Variants in PRMT3 observed in about 807,000 individuals in gnomAD.
PRMT3 encodes protein arginine N-methyltransferase 3.
A neutral mutation model predicts 71.9 loss-of-function variants in PRMT3; 62 were observed. That is an observed-to-expected ratio of 0.86 (90% confidence interval 0.70 to 1.07). The LOEUF is 1.07. PRMT3 is among the 50% of genes least tolerant of loss of function. The pLI is 0.00. For missense variants in PRMT3, 663 were observed against 643.0 expected (o/e 1.03, Z -0.34); for synonymous variants, 213 against 220.4 (o/e 0.97, Z 0.30).
rs763495265 is a variant in PRMT3 at position 20,387,946 on chromosome 11, C to T, written c.29-73C>T. 2.5e-6 allele frequency: 4 copies of T among 1,605,180 alleles called. No individual in the cohort carries two copies. Among genetic ancestry groups the T allele is most frequent in the Non-Finnish European group, 3.4e-6 (4 of 1,175,356 alleles). ...GCGAACGGGGCGGAGGAGAGCCCAT[C>T]GTCACCTGCTCCTCGAGCCCCCGGG... is the stretch of plus-strand genomic sequence containing the variant. On this transcript the variant is annotated intron_variant, in intron 1 of 15. Transcript: ENST00000331079. The surrounding 1 kb of genome is among the most constrained non-coding windows in gnomAD (Gnocchi z 4.3).
At chr11:20,504,674 A>G (rs1565243309) in intron 15 of PRMT3, among the ~76,000 whole-genome samples, 1 of 148,882 alleles carries the variant, frequency 6.7e-6, no homozygotes, top group Non-Finnish European at 1.5e-5. Flanking sequence ...TGTTACATTT[A>G]TCTCAAGTAT....
chr11:20,483,493 CAGG>C (rs1211638229), intron 13 of PRMT3, among the ~76,000 whole-genome samples: 1 of 147,058 alleles, frequency 6.8e-6, no homozygotes, highest in Non-Finnish European at 1.5e-5. Context: ...TGTGAGGGAG[CAGG>C]AGAAGAGAAA....
intron 9 of PRMT3, among the ~76,000 whole-genome samples, chr11:20,413,756 G>C (rs1013821480): frequency 6.6e-6 from 1 of 151,924 alleles, no homozygotes; most frequent in Non-Finnish European, 1.5e-5. Context: ...AGCTTTAGTC[G>C]TACTCTGTAC....
At chr11:20,470,606 G>A (rs1850621042) in intron 13 of PRMT3, among the ~76,000 whole-genome samples, 1 of 152,154 alleles carries the variant, frequency 6.6e-6, no homozygotes, top group South Asian at 2.1e-4. Flanking sequence ...TGGTGTATAT[G>A]TATATGTACC....
At chr11:20,436,740 G>GC (rs1555013362) in intron 10 of PRMT3, among the ~76,000 whole-genome samples, 1 of 141,606 alleles carries the variant, frequency 7.1e-6, no homozygotes, top group Non-Finnish European at 1.6e-5. Flanking sequence ...CCTGCAGTTT[G>GC]TTTTTTTTTT....
At chr11:20,428,767 C>A (rs1378207516) in intron 10 of PRMT3, among the ~76,000 whole-genome samples, 1 of 152,200 alleles carries the variant, frequency 6.6e-6, no homozygotes, top group Non-Finnish European at 1.5e-5. Flanking sequence ...ATGGGAAACA[C>A]TAGAAACACT....
intron 15 of PRMT3, among the ~76,000 whole-genome samples, chr11:20,495,624 T>C (rs1013421160): frequency 7.2e-5 from 11 of 152,228 alleles, no homozygotes; most frequent in Admixed American, 6.5e-4. Flanking sequence ...AATCAGATTC[T>C]ATTTTTTATT....
intron 10 of PRMT3, among the ~76,000 whole-genome samples, chr11:20,445,165 T>C (rs1316750366): frequency 1.3e-5 from 2 of 152,048 alleles, no homozygotes; most frequent in Admixed American, 6.6e-5. Context: ...CTTCCTATAA[T>C]CTTAATTTTT....
At chr11:20,449,836 A>G (rs1850109810) in intron 10 of PRMT3, among the ~76,000 whole-genome samples, 1 of 152,162 alleles carries the variant, frequency 6.6e-6, no homozygotes, top group South Asian at 2.1e-4. Context: ...TTGAGTTCCT[A>G]CTATGTACCA....
chr11:20,501,656 G>C (rs1366610237), intron 15 of PRMT3, among the ~76,000 whole-genome samples: 1 of 152,128 alleles, frequency 6.6e-6, no homozygotes, highest in African/African-American at 2.4e-5. Context: ...TGTCCAGAAG[G>C]TAATATGACA....
chr11:20,439,100 A>C (rs955123916), intron 10 of PRMT3, among the ~76,000 whole-genome samples: 1 of 152,178 alleles, frequency 6.6e-6, no homozygotes, highest in South Asian at 2.1e-4. Flanking sequence ...CCATAGTTTC[A>C]ATTCCAAGAT....
intron 6 of PRMT3, 131 bp from the exon 7 acceptor site, chr11:20,397,445 TC>T (rs1848849965): frequency 1.1e-6 from 1 of 872,206 alleles, no homozygotes; most frequent in Non-Finnish European, 1.8e-6. Context: ...TTTCAGTTGT[TC>T]AAGATAGAAT....
At chr11:20,408,920 T>G (rs904188810) in intron 9 of PRMT3, among the ~76,000 whole-genome samples, 6 of 151,772 alleles carry the variant, frequency 4.0e-5, no homozygotes, top group Non-Finnish European at 8.8e-5. Flanking sequence ...ATAGTGAGAC[T>G]CTGTCCTCTA....
intron 15 of PRMT3, among the ~76,000 whole-genome samples, chr11:20,507,816 A>G (rs1851628413): frequency 6.6e-6 from 1 of 151,024 alleles, no homozygotes; most frequent in Non-Finnish European, 1.5e-5. Context: ...GCTCTAAAAA[A>G]TGAATATTGG....
At position 20,426,834 on chromosome 11, in the gene PRMT3, A is replaced by G. The variant is rs1395469998; in HGVS notation, c.962A>G (p.Glu321Gly). 6.5e-7 allele frequency: 1 copy of G among 1,529,912 alleles called. No individual in the cohort carries two copies. The highest frequency in any genetic ancestry group is 8.7e-7 in the Non-Finnish European group (1 of 1,150,374). The allele number at this position is 1,529,912 out of a possible 1,614,324, so 94.8% of individuals were successfully genotyped here. ...ATTGAAGAAGTTCATCTTCCTGTAGAAAAAGTAGATGTTATCATATCTGAG... is the reference window on the plus strand; with the variant it reads ...ATTGAAGAAGTTCATCTTCCTGTAGGAAAAGTAGATGTTATCATATCTGAG... ...GKIEEVHLPV[E>G]KVDVIISEWM... Residue 321 changes from glutamate (E) to glycine (G), a missense_variant, in exon 10 of 16, where the codon GAA becomes GGA. By Grantham distance (98) the Glu-to-Gly change is moderately conservative. Coordinates refer to ENST00000331079, the MANE Select transcript of PRMT3 (RefSeq NM_005788.4).
At chr11:20,457,761 C>G (rs1275703538) in intron 11 of PRMT3, among the ~76,000 whole-genome samples, 1 of 152,216 alleles carries the variant, frequency 6.6e-6, no homozygotes, top group Non-Finnish European at 1.5e-5. Context: ...TAATCAGCCA[C>G]TGGCATTGGT....
intron 10 of PRMT3, among the ~76,000 whole-genome samples, chr11:20,450,903 G>A (rs1850132744): frequency 6.6e-6 from 1 of 152,166 alleles, no homozygotes; most frequent in South Asian, 2.1e-4. Flanking sequence ...ATGAGTGGAT[G>A]AGAACAGTTT....
intron 15 of PRMT3, among the ~76,000 whole-genome samples, chr11:20,497,109 G>T (rs532034250): frequency 6.6e-6 from 1 of 152,234 alleles, no homozygotes; most frequent in South Asian, 2.1e-4. Flanking sequence ...GGCAGTACTA[G>T]TTCATGTTTT....
intron 9 of PRMT3, among the ~76,000 whole-genome samples, chr11:20,409,529 G>A (rs755202777): frequency 2.6e-5 from 4 of 152,070 alleles, no homozygotes; most frequent in Non-Finnish European, 4.4e-5. Context: ...TTAAATATTT[G>A]GAGCGTTAGC....
Sources: allele counts gnomAD v4.1 joint callset (sites outside exome capture counted in the v4.1 genomes callset), GRCh38; gene constraint gnomAD v4.1.1; non-coding constraint Gnocchi (gnomAD v3.1); transcripts MANE v1.5; gene names NCBI Gene and HGNC (gene_info 2026-07-23, HGNC 2026-07-21).